REDIC1: variants seen among roughly 807,000 people sequenced by gnomAD.
The protein encoded by REDIC1 is HEI10 Interacting Protein 1.
the REDIC1 span, among the ~76,000 whole-genome samples, chr12:39,822,836 T>G: frequency 6.6e-6 from 1 of 152,248 alleles, no homozygotes; most frequent in African/African-American, 2.4e-5. Context: ...TGAATATCGC[T>G]ACTTGGATAA....
At chr12:39,661,752 T>G in the REDIC1 span, among the ~76,000 whole-genome samples, 1 of 152,076 alleles carries the variant, frequency 6.6e-6, no homozygotes, top group Non-Finnish European at 1.5e-5. Flanking sequence ...GAGTGTTTCT[T>G]CTGTATTTTC....
the REDIC1 span, among the ~76,000 whole-genome samples, chr12:39,712,075 G>T: frequency 0.015 from 308 of 21,164 alleles, no homozygotes; most frequent in South Asian, 0.018. Flanking sequence ...TATATATACC[G>T]GTATGTATAT....
the REDIC1 span, among the ~76,000 whole-genome samples, chr12:39,887,516 A>C: frequency 6.6e-6 from 1 of 152,212 alleles, no homozygotes; most frequent in South Asian, 2.1e-4. Flanking sequence ...GGGATAAAAA[A>C]GGGAAGTAGA....
chr12:39,798,079 C>A, the REDIC1 span, among the ~76,000 whole-genome samples: 6 of 152,278 alleles, frequency 3.9e-5, no homozygotes, highest in Non-Finnish European at 8.8e-5. Context: ...GGATCATTCA[C>A]TTTGGAGGAA....
At chr12:39,747,930 A>C in the REDIC1 span, among the ~76,000 whole-genome samples, 8 of 152,316 alleles carry the variant, frequency 5.3e-5, no homozygotes, top group Middle Eastern at 3.4e-3. Context: ...GAAGGAAGCA[A>C]TAAACATGGA....
chr12:39,871,423 A>T, the REDIC1 span, among the ~76,000 whole-genome samples: 1 of 152,144 alleles, frequency 6.6e-6, no homozygotes, highest in African/African-American at 2.4e-5. Context: ...TGTCAAATTT[A>T]AAAATATATG....
At chr12:39,708,548 T>A in the REDIC1 span, among the ~76,000 whole-genome samples, 1 of 151,896 alleles carries the variant, frequency 6.6e-6, no homozygotes, top group Non-Finnish European at 1.5e-5. Context: ...AGTACTAATA[T>A]GCTTTTTAAA....
the REDIC1 span, among the ~76,000 whole-genome samples, chr12:39,878,655 T>A: frequency 0.3 from 45,916 of 152,142 alleles, 7,535 homozygotes; most frequent in South Asian, 0.37. Flanking sequence ...AGAAAAGGAA[T>A]TACTTAAAGT....
chr12:39,646,064 G>A, the REDIC1 span, among the ~76,000 whole-genome samples: 1 of 152,056 alleles, frequency 6.6e-6, no homozygotes, highest in African/African-American at 2.4e-5. Context: ...ATCTAGTCTG[G>A]AGATCATAGA....
chr12:39,838,483 A>G, the REDIC1 span, among the ~76,000 whole-genome samples: 1 of 139,606 alleles, frequency 7.2e-6, no homozygotes, highest in Non-Finnish European at 1.5e-5. Flanking sequence ...CTAAAACTTA[A>G]AGTATAATAA....
chr12:39,888,816 T>C, the REDIC1 span, among the ~76,000 whole-genome samples: 1 of 152,210 alleles, frequency 6.6e-6, no homozygotes, highest in East Asian at 1.9e-4. Context: ...TAATAACTGA[T>C]GCAACTTAAC....
chr12:39,899,797 G>C, the REDIC1 span, among the ~76,000 whole-genome samples: 1 of 152,098 alleles, frequency 6.6e-6, no homozygotes, highest in Non-Finnish European at 1.5e-5. Context: ...AGTTTTGAGT[G>C]AGTTTCTTAA....
the REDIC1 span, among the ~76,000 whole-genome samples, chr12:39,699,149 C>T: frequency 1.1e-3 from 173 of 152,292 alleles, no homozygotes; most frequent in African/African-American, 4.1e-3. Context: ...GCGTGAGCGA[C>T]ACAGAAGACG....
the REDIC1 span, among the ~76,000 whole-genome samples, chr12:39,748,511 T>G: frequency 1.2e-4 from 18 of 152,240 alleles, no homozygotes; most frequent in East Asian, 3.5e-3. Flanking sequence ...GACAGATCAA[T>G]GAGACAGAAA....
chr12:39,697,155 A>G, the REDIC1 span, among the ~76,000 whole-genome samples: 4 of 152,218 alleles, frequency 2.6e-5, no homozygotes, highest in Non-Finnish European at 5.9e-5. Context: ...GAGCTGCAAT[A>G]CGTCTGGGAG....
the REDIC1 span, among the ~76,000 whole-genome samples, chr12:39,727,984 A>T: frequency 6.6e-6 from 1 of 152,070 alleles, no homozygotes; most frequent in Non-Finnish European, 1.5e-5. Flanking sequence ...GAATGCTTGT[A>T]ATTTTTGCAC....
the REDIC1 span, among the ~76,000 whole-genome samples, chr12:39,703,438 T>C: frequency 1.3e-5 from 2 of 148,870 alleles, no homozygotes; most frequent in Admixed American, 1.3e-4. Context: ...TAAAAGAGGA[T>C]ACAAACAAAT....
chr12:39,877,773 T>C, the REDIC1 span, among the ~76,000 whole-genome samples: 1 of 152,240 alleles, frequency 6.6e-6, no homozygotes, highest in Non-Finnish European at 1.5e-5. Context: ...TAAACCTTTA[T>C]GCAGTAGTTT....
At chr12:39,660,330 T>C in the REDIC1 span, among the ~76,000 whole-genome samples, 3 of 152,142 alleles carry the variant, frequency 2.0e-5, no homozygotes, top group Admixed American at 6.6e-5. Context: ...GGAGCCTCAG[T>C]TGGGCTCTGA....
Sources: gnomAD v4.1 joint callset for allele counts (sites outside exome capture counted in the v4.1 genomes callset) on GRCh38, gnomAD v4.1.1 for gene constraint, MANE v1.5 for transcripts, NCBI Gene and HGNC (gene_info 2026-07-23, HGNC 2026-07-21) for gene names.